Variants in SCIN observed in about 807,000 individuals in gnomAD.
SCIN encodes adseverin.
Under a neutral mutation model 91.8 loss-of-function variants are expected in SCIN, and 91 were observed. The observed-to-expected ratio is 0.99, with a 90% CI of 0.84 to 1.18. SCIN has a LOEUF of 1.18. Ranked by LOEUF, SCIN falls within the 50% of genes most tolerant of loss-of-function variation. SCIN has a pLI of 0.00. For missense variants in SCIN, 1,087 were observed against 863.9 expected (o/e 1.26, Z -3.24); for synonymous variants, 367 against 312.6 (o/e 1.17, Z -1.84).
intron 1 of SCIN, among the ~76,000 whole-genome samples, chr7:12,573,762 T>C (rs1000761265): frequency 2.6e-5 from 4 of 152,324 alleles, no homozygotes; most frequent in Admixed American, 1.3e-4. Flanking sequence ...TCTTTCTCTT[T>C]GCCAGTTTTA....
rs1365892519 is a variant in SCIN at position 12,591,118 on chromosome 7, G to A, written c.516+9897G>A. 4.6e-5 allele frequency among the ~76,000 whole-genome samples: 7 copies of A among 152,166 alleles called. No homozygotes were observed. In the South Asian group the frequency reaches 6.2e-4, roughly 14 times the overall value. ...TGAGAGGCTCGGAGGAAATGTTTGG[G>A]AAATGTGGCTGTACGTGGTCCAGGA... is the stretch of plus-strand genomic sequence containing the variant. On this transcript the variant is annotated intron_variant, in intron 3 of 15. Coordinates refer to ENST00000297029, the MANE Select transcript of SCIN (RefSeq NM_001112706.3).
chr7:12,643,921 A>G (rs1247578493), intron 11 of SCIN, among the ~76,000 whole-genome samples: 1 of 152,182 alleles, frequency 6.6e-6, no homozygotes, highest in Non-Finnish European at 1.5e-5. Flanking sequence ...TCACAGAGAC[A>G]GACACAGAGT....
intron 3 of SCIN, among the ~76,000 whole-genome samples, chr7:12,584,350 A>G (rs1782545244): frequency 6.6e-6 from 1 of 152,238 alleles, no homozygotes; most frequent in Admixed American, 6.5e-5. Flanking sequence ...ACATCCAGTT[A>G]TCACCCAGCT....
intron 10 of SCIN, among the ~76,000 whole-genome samples, chr7:12,638,287 T>A (rs1032378598): frequency 3.9e-5 from 6 of 152,272 alleles, no homozygotes; most frequent in Middle Eastern, 6.8e-3. Context: ...TCTCTCTCCC[T>A]CTCTCTCATT....
intron 14 of SCIN, among the ~76,000 whole-genome samples, chr7:12,649,855 C>T (rs1025375831): frequency 1.4e-4 from 22 of 152,226 alleles, no homozygotes; most frequent in African/African-American, 5.3e-4. Flanking sequence ...CAAGTGCATT[C>T]GTGTGTACAG....
chr7:12,648,686 G>C (rs1161670201), intron 13 of SCIN, among the ~76,000 whole-genome samples: 1 of 152,098 alleles, frequency 6.6e-6, no homozygotes, highest in Non-Finnish European at 1.5e-5. Context: ...GAACTAGATA[G>C]GCAACATAAA....
At chr7:12,583,083 T>A (rs547083555) in intron 3 of SCIN, among the ~76,000 whole-genome samples, 10 of 152,256 alleles carry the variant, frequency 6.6e-5, no homozygotes, top group Non-Finnish European at 1.3e-4. Flanking sequence ...TGTAATTAAT[T>A]GCTGCCATTA....
At chr7:12,625,506 T>C (rs1215433797) in intron 6 of SCIN, among the ~76,000 whole-genome samples, 1 of 148,714 alleles carries the variant, frequency 6.7e-6, no homozygotes, top group Non-Finnish European at 1.5e-5. Context: ...TTTTTTTGTA[T>C]TTTTTGTGGA....
intron 3 of SCIN, among the ~76,000 whole-genome samples, chr7:12,592,545 G>A (rs1056761871): frequency 2.0e-5 from 3 of 152,056 alleles, no homozygotes; most frequent in Non-Finnish European, 2.9e-5. Context: ...GAGGCAGGAA[G>A]TGGGTACTGG....
chr7:12,636,181 C>A, intron 10 of SCIN, 46 bp downstream of exon 10: 1 of 1,401,844 alleles, frequency 7.1e-7, no homozygotes, highest in Non-Finnish European at 1.0e-6. Context: ...TAAAGTCTTG[C>A]TAGCTCAATG....
chr7:12,593,657 G>T (rs1446893748), intron 3 of SCIN, among the ~76,000 whole-genome samples: 6 of 152,150 alleles, frequency 3.9e-5, no homozygotes, highest in Admixed American at 1.3e-4. Flanking sequence ...TTTGGGAAAT[G>T]TCTTTAAGTT....
intron 4 of SCIN, among the ~76,000 whole-genome samples, chr7:12,605,695 G>C (rs1393813132): frequency 1.3e-5 from 2 of 152,122 alleles, no homozygotes; most frequent in African/African-American, 2.4e-5. Context: ...TCAGACTTTG[G>C]AGTATTTCTA....
chr7:12,606,811 T>A (rs1252472968), intron 4 of SCIN, among the ~76,000 whole-genome samples: 1 of 152,176 alleles, frequency 6.6e-6, no homozygotes, highest in Non-Finnish European at 1.5e-5. Flanking sequence ...ATTTAAAAAA[T>A]TAAGATAAAA....
chr7:12,646,355 A>C (rs544322369), intron 13 of SCIN, among the ~76,000 whole-genome samples: 5 of 152,322 alleles, frequency 3.3e-5, no homozygotes, highest in African/African-American at 1.2e-4. Context: ...TTGTGTCCTC[A>C]CATGGCCAAG....
At chr7:12,601,391 T>C (rs1365743798) in intron 3 of SCIN, among the ~76,000 whole-genome samples, 1 of 152,196 alleles carries the variant, frequency 6.6e-6, no homozygotes, top group African/African-American at 2.4e-5. Context: ...CTATTTCTAA[T>C]TTATTTACTC....
At chr7:12,589,809 T>C (rs1017329618) in intron 3 of SCIN, among the ~76,000 whole-genome samples, 10 of 152,228 alleles carry the variant, frequency 6.6e-5, no homozygotes, top group Admixed American at 5.2e-4. Flanking sequence ...GGTATTCTCC[T>C]AGCTGAGAGT....
At chr7:12,603,616 T>C (rs1783009808) in intron 3 of SCIN, among the ~76,000 whole-genome samples, 1 of 152,182 alleles carries the variant, frequency 6.6e-6, no homozygotes, top group South Asian at 2.1e-4. Flanking sequence ...TTTTTCATTA[T>C]TATTTTACGT....
At chr7:12,637,247 GAATT>G (rs1783769844) in intron 10 of SCIN, among the ~76,000 whole-genome samples, 1 of 152,108 alleles carries the variant, frequency 6.6e-6, no homozygotes, top group Admixed American at 6.6e-5. Context: ...TTAACAATTC[GAATT>G]AATAGGTTAA....
At chr7:12,642,651 CACAA>C (rs1374566955) in intron 11 of SCIN, among the ~76,000 whole-genome samples, 2 of 150,196 alleles carry the variant, frequency 1.3e-5, no homozygotes, top group African/African-American at 4.9e-5. Flanking sequence ...TGCCACATGC[CACAA>C]ACAAAGGTCA....
Sources: allele counts gnomAD v4.1 joint callset (sites outside exome capture counted in the v4.1 genomes callset), GRCh38; gene constraint gnomAD v4.1.1; transcripts MANE v1.5; gene names NCBI Gene and HGNC (gene_info 2026-07-23, HGNC 2026-07-21).